The following C20orf203 variants were observed in gnomAD, a reference collection of about 807,000 sequenced individuals.
C20orf203 encodes the protein uncharacterized protein C20orf203.
In C20orf203, 16 loss-of-function variants were observed where a neutral mutation model predicts 15.9. That is an observed-to-expected ratio of 1.01 (90% CI 0.68 to 1.53). C20orf203 has a LOEUF of 1.53. Ranked by LOEUF, C20orf203 falls within the 40% of genes most tolerant of loss-of-function variation. The pLI, the probability that C20orf203 is intolerant of heterozygous loss-of-function variation, is 0.00. For synonymous variants in C20orf203, 98 were observed against 97.2 expected (o/e 1.01, Z -0.05); for missense variants, 263 against 247.5 (o/e 1.06, Z -0.42).
intron 1 of C20orf203, among the ~76,000 whole-genome samples, chr20:32,660,190 T>C (rs924083277): frequency 6.6e-6 from 1 of 152,162 alleles, no homozygotes; most frequent in Non-Finnish European, 1.5e-5. Context: ...GGTAAGCACC[T>C]TTCCCATTGC....
chr20:32,651,628 A>G (rs1360268350), intron 2 of C20orf203, 105 bp downstream of exon 2: 1 of 152,390 alleles, frequency 6.6e-6, no homozygotes, highest in Non-Finnish European at 1.5e-5. Flanking sequence ...ACAAAGGTGA[A>G]GTGTCCAGCA....
chr20:32,664,315 T>A (rs1371603808), intron 1 of C20orf203, among the ~76,000 whole-genome samples: 2 of 152,202 alleles, frequency 1.3e-5, no homozygotes, highest in African/African-American at 2.4e-5. Flanking sequence ...CCCCACCTCT[T>A]TCTCAGCACA....
At chr20:32,664,826 G>T (rs936475814) in intron 1 of C20orf203, among the ~76,000 whole-genome samples, 1 of 152,228 alleles carries the variant, frequency 6.6e-6, no homozygotes, top group African/African-American at 2.4e-5. Flanking sequence ...CCCACACTGT[G>T]CCCCATGGGT....
chr20:32,666,762 C>CA (rs375016307), intron 1 of C20orf203, among the ~76,000 whole-genome samples: 29 of 61,462 alleles, frequency 4.7e-4, no homozygotes, highest in South Asian at 1.9e-3. Flanking sequence ...GACTCCATCT[C>CA]AAAAAAAAAA....
chr20:32,638,874 A>G (rs540804130), intron 5 of C20orf203, among the ~76,000 whole-genome samples: 1 of 150,484 alleles, frequency 6.6e-6, no homozygotes, highest in Admixed American at 6.6e-5. Context: ...GCTCCCGGCA[A>G]TGTCGGCCTG....
At chr20:32,666,825 A>ATATATATATATATATATATAT (rs1983046198) in intron 1 of C20orf203, among the ~76,000 whole-genome samples, 6 of 103,128 alleles carry the variant, frequency 5.8e-5, no homozygotes, top group Non-Finnish European at 8.4e-5. Context: ...ATATATATAT[A>ATATATATATATATATATATAT]GTTTTGTTTT....
At chr20:32,663,560 G>A (rs567331751) in intron 1 of C20orf203, among the ~76,000 whole-genome samples, 1 of 152,312 alleles carries the variant, frequency 6.6e-6, no homozygotes, top group South Asian at 2.1e-4. Context: ...TACCTCCGGG[G>A]AGTGGGATGA....
chr20:32,663,929 C>G lies in C20orf203; in HGVS notation c.-264+9703G>C, dbSNP rs908499859. Among the ~76,000 whole-genome samples the G allele has an allele frequency of 2.5e-4, 38 of 152,246 alleles. 1 individual carries two copies. The highest frequency in any genetic ancestry group is 5.9e-5 in the Non-Finnish European group (4 of 68,038). ...GCCATAAATGTCCTGGCTGGGGACACTGGGAAATGAACCACTCAGGGCTGA... is the reference window on the plus strand; with the variant it reads ...GCCATAAATGTCCTGGCTGGGGACAGTGGGAAATGAACCACTCAGGGCTGA... On this transcript the variant is annotated intron_variant, in intron 1 of 5. Coordinates refer to ENST00000608990, the MANE Select transcript of C20orf203 (RefSeq NM_182584.4).
intron 1 of C20orf203, among the ~76,000 whole-genome samples, chr20:32,669,743 T>C (rs960651139): frequency 5.3e-5 from 8 of 152,254 alleles, no homozygotes; most frequent in African/African-American, 1.9e-4. Flanking sequence ...GCACTGGCCT[T>C]AGTAATAATT....
chr20:32,663,200 G>A (rs1600940003), intron 1 of C20orf203, among the ~76,000 whole-genome samples: 1 of 151,866 alleles, frequency 6.6e-6, no homozygotes, highest in Non-Finnish European at 1.5e-5. Context: ...CACCCACCTC[G>A]GCCTCCCGAA....
At chr20:32,666,740 G>C (rs1040308158) in intron 1 of C20orf203, among the ~76,000 whole-genome samples, 1 of 138,142 alleles carries the variant, frequency 7.2e-6, no homozygotes, top group Non-Finnish European at 1.6e-5. Context: ...TCCAGCCTGG[G>C]TGACAGAGCA....
chr20:32,661,621 T>A (rs993562630), intron 1 of C20orf203, among the ~76,000 whole-genome samples: 1 of 152,044 alleles, frequency 6.6e-6, no homozygotes, highest in Admixed American at 6.6e-5. Flanking sequence ...TGAGCAGGAA[T>A]TTGTCTGGGA....
chr20:32,650,410 G>T lies in C20orf203; in HGVS notation c.*22C>A, dbSNP rs1982572716. ...GGTAGGACAGGCAGGCAGAGCTGGG[G>T]GTGGGGGCGCCCTGGGCTCGGCTAA... On this transcript the variant is annotated 3_prime_UTR_variant, in exon 4 of 6. Transcript: ENST00000608990. 6.5e-7 allele frequency: 1 copy of T among 1,529,794 alleles called. No individual in the cohort carries two copies. Among genetic ancestry groups the T allele is most frequent in the South Asian group, 1.2e-5 (1 of 82,144 alleles). 94.8% of individuals were successfully genotyped at this position (1,529,794 alleles called of 1,614,324 possible).
At chr20:32,659,996 T>A (rs1283796571) in intron 1 of C20orf203, among the ~76,000 whole-genome samples, 1 of 152,206 alleles carries the variant, frequency 6.6e-6, no homozygotes, top group Non-Finnish European at 1.5e-5. Context: ...CAGTGGCCAG[T>A]GTGCTGTCCT....
chr20:32,644,973 G>A (rs1982383354), intron 4 of C20orf203, among the ~76,000 whole-genome samples: 1 of 151,984 alleles, frequency 6.6e-6, no homozygotes, highest in Non-Finnish European at 1.5e-5. Context: ...GATTGGGTTT[G>A]GCTCGCCAGC....
intron 1 of C20orf203, among the ~76,000 whole-genome samples, chr20:32,658,836 G>C (rs750401): frequency 0.29 from 43,635 of 151,516 alleles, 6,818 homozygotes; most frequent in Middle Eastern, 0.37. Flanking sequence ...CTGATTCAAG[G>C]CCTAGACCCC....
chr20:32,641,264 G>T (rs1162072741), intron 4 of C20orf203, among the ~76,000 whole-genome samples: 1 of 147,056 alleles, frequency 6.8e-6, no homozygotes, highest in African/African-American at 2.5e-5. Context: ...GAGCCTGAGG[G>T]TTTAAGGCTG....
intron 5 of C20orf203, 35 bp from the exon 6 acceptor site, chr20:32,634,305 T>C: frequency 2.5e-6 from 1 of 398,034 alleles, no homozygotes; most frequent in Non-Finnish European, 4.4e-6. Flanking sequence ...AAGACAGGCA[T>C]TGGGAGGGGA....
chr20:32,642,482 C>T (rs1417894746), intron 4 of C20orf203, among the ~76,000 whole-genome samples: 3 of 152,198 alleles, frequency 2.0e-5, no homozygotes, highest in East Asian at 3.9e-4. Context: ...GGCCCAGCTC[C>T]AGGAGGTAGA....
Sources: allele counts gnomAD v4.1 joint callset (sites outside exome capture counted in the v4.1 genomes callset), GRCh38; gene constraint gnomAD v4.1.1; transcripts MANE v1.5; gene names NCBI Gene and HGNC (gene_info 2026-07-23, HGNC 2026-07-21).